SLC13A2: variants seen among roughly 807,000 people sequenced by gnomAD.
The protein encoded by SLC13A2 is solute carrier family 13 member 2, also known as Na(+)-coupled citrate transporter.
SLC13A2 carries 40 observed loss-of-function variants against 58.5 expected under a neutral mutation model. That is an observed-to-expected ratio of 0.68 (90% CI 0.53 to 0.89). The LOEUF is 0.89. SLC13A2 is among the 40% of genes least tolerant of loss of function. The pLI is 0.00. For missense variants in SLC13A2, 694 were observed against 772.6 expected (o/e 0.90, Z 1.21); for synonymous variants, 341 against 331.6 (o/e 1.03, Z -0.31).
intron 1 of SLC13A2, among the ~76,000 whole-genome samples, chr17:28,481,999 G>A (rs1974589): frequency 0.22 from 32,874 of 151,974 alleles, 4,060 homozygotes; most frequent in African/African-American, 0.32. Flanking sequence ...GGTTTTAAAA[G>A]TTAAGGGTTT....
intron 1 of SLC13A2, among the ~76,000 whole-genome samples, chr17:28,474,769 C>T (rs187305299): frequency 1.1e-3 from 173 of 152,302 alleles, no homozygotes; most frequent in African/African-American, 3.9e-3. Flanking sequence ...GCAAATCACA[C>T]AGCTGGGAGG....
intron 1 of SLC13A2, among the ~76,000 whole-genome samples, chr17:28,487,721 G>C (rs1310261295): frequency 2.0e-5 from 3 of 152,194 alleles, no homozygotes; most frequent in Admixed American, 2.0e-4. Context: ...AATCCTGCTG[G>C]GGGAGGAGGG....
chr17:28,491,565 G>C lies in SLC13A2; in HGVS notation c.703G>C (p.Ala235Pro). Reference sequence around the variant, plus strand: ...CTACTCCGCCAGCATCGGGGGCATCGCCACGCTGACTGGCACCGCACCCAA... The same window carrying C: ...CTACTCCGCCAGCATCGGGGGCATCCCCACGCTGACTGGCACCGCACCCAA... The part of the protein sequence containing the change: ...VCYSASIGGI[A>P]TLTGTAPNLV... Residue 235 changes from alanine to proline, a missense_variant, in exon 5 of 12, where the codon GCC (alanine) becomes CCC (proline). Coordinates refer to ENST00000314669, the MANE Select transcript of SLC13A2 (RefSeq NM_003984.4). 6.2e-7 allele frequency: 1 copy of C among 1,613,550 alleles called. No individual in the cohort carries two copies. Among genetic ancestry groups the C allele is most frequent in the Non-Finnish European group, 8.5e-7 (1 of 1,180,026 alleles).
chr17:28,476,757 A>G (rs2068678289), intron 1 of SLC13A2, among the ~76,000 whole-genome samples: 1 of 152,020 alleles, frequency 6.6e-6, no homozygotes, highest in African/African-American at 2.4e-5. Flanking sequence ...CTTATTTTTT[A>G]CTTCCTCTCT....
rs142292882 is a variant in SLC13A2, at chr17:28,497,247, A to C, written c.1757A>C (p.Asn586Thr). ...TTAQCLPSLA[N>T]TTTPSP ...GCCCAGTGCCTGCCAAGCCTGGCCA[A>C]CACCACCACACCAAGCCCCTAGGCT... Residue 586 changes from asparagine to threonine, a missense_variant, in exon 12 of 12, where the codon AAC becomes ACC. Coordinates refer to ENST00000314669, the MANE Select transcript of SLC13A2 (RefSeq NM_003984.4). 599 of 1,613,932 alleles carry C rather than the reference A, an allele frequency of 3.7e-4. 3 individuals carry two copies. The African/African-American group carries it at 7.3e-3, about 20-fold the overall frequency.
In SLC13A2 at chr17:28,494,205, C is replaced by T. The variant is rs2069093329; in HGVS notation, c.1186+100C>T. 1 of 1,484,908 alleles carries T rather than the reference C, an allele frequency of 6.7e-7. No individual in the cohort carries two copies. The highest frequency in any genetic ancestry group is 1.2e-5 in the South Asian group (1 of 86,154). The allele number at this position is 1,484,908 out of a possible 1,614,324, so 92.0% of individuals were successfully genotyped here. ...ACACTTGGCAGGAGTAGGCAAAGCC[C>T]AGAAAGGCTGGAGCGACTTGCCAAG... On this transcript the variant is annotated intron_variant, in intron 8 of 11. Coordinates refer to ENST00000314669, the MANE Select transcript of SLC13A2 (RefSeq NM_003984.4). The surrounding 1 kb of genome is among the most constrained non-coding windows in gnomAD (Gnocchi z 4.0).
In SLC13A2 at chr17:28,493,644, G is replaced by C; in HGVS notation, c.952G>C (p.Glu318Gln). Residue 318 changes from glutamate to glutamine, a missense_variant, in exon 7 of 12, where the codon GAG becomes CAG. Coordinates refer to ENST00000314669, the MANE Select transcript of SLC13A2 (RefSeq NM_003984.4). The stretch of plus-strand genomic sequence containing the variant: ...GGCAGCCTACTGCGTCATCCAGACC[G>C]AGCACAGGCTGCTGGGCCCCATGAC... ...QQAAYCVIQT[E>Q]HRLLGPMTFA... 1 of 1,614,182 alleles carries C rather than the reference G, an allele frequency of 6.2e-7. No homozygotes were observed. Among genetic ancestry groups the C allele is most frequent in the Non-Finnish European group, 8.5e-7 (1 of 1,180,012 alleles).
At chr17:28,487,849 AT>A (rs2068913014) in intron 1 of SLC13A2, among the ~76,000 whole-genome samples, 1 of 152,140 alleles carries the variant, frequency 6.6e-6, no homozygotes, top group South Asian at 2.1e-4. Context: ...CTTCGGACAG[AT>A]TTGGTGGGGC....
chr17:28,473,868 G>A, intron 1 of SLC13A2, 54 bp downstream of exon 1: 1 of 1,505,434 alleles, frequency 6.6e-7, no homozygotes. Flanking sequence ...AGGAGGGACT[G>A]TCTGGGCCGG....
At position 28,489,346 on chromosome 17, in the gene SLC13A2, A is replaced by AT; in HGVS notation, c.231+4_231+5insT. On this transcript the variant is annotated splice_donor_region_variant and intron_variant, in intron 2 of 11. Coordinates refer to ENST00000314669, the MANE Select transcript of SLC13A2 (RefSeq NM_003984.4). ...GGGCATCGTGGATGCCTCTGAGGTG[A>AT]GCCCCATCCATAGGAGAAAGCGTTC... 6.3e-7 allele frequency: 1 copy of AT among 1,580,606 alleles called. No individual in the cohort carries two copies. The highest frequency in any genetic ancestry group is 8.6e-7 in the Non-Finnish European group (1 of 1,167,218).
At chr17:28,476,423 C>A (rs1567842750) in intron 1 of SLC13A2, among the ~76,000 whole-genome samples, 2 of 150,990 alleles carry the variant, frequency 1.3e-5, no homozygotes, top group Admixed American at 6.6e-5. Flanking sequence ...AACAAACAAA[C>A]AAAAAAACCC....
rs1555602655 is a variant in SLC13A2 at position 28,489,335 on chromosome 17, C to T, written c.224C>T (p.Ala75Val). The change falls in exon 2 of 12, where the codon GCC becomes GTC. Residue 75 changes from alanine to valine, a missense_variant. Transcript: ENST00000314669. Reference protein sequence around the residue: ...ILFPMMGIVDASEVAVEYLKD... With the variant: ...ILFPMMGIVDVSEVAVEYLKD... ...TTCCCTATGATGGGCATCGTGGATG[C>T]CTCTGAGGTGAGCCCCATCCATAGG... 3.8e-6 allele frequency: 6 copies of T among 1,593,074 alleles called. No individual in the cohort carries two copies. The highest frequency in any genetic ancestry group is 5.1e-6 in the Non-Finnish European group (6 of 1,173,066).
rs1555603384 is a variant in SLC13A2, at chr17:28,491,485, C to T, written c.623C>T (p.Ala208Val). ...PVTSASSEGR[A>V]HLSQKHLHLT... ...ACGTCTGCCTCTTCGGAGGGGAGGGCACATCTCAGCCAGAAGCATCTCCAC... is the reference window on the plus strand; with the variant it reads ...ACGTCTGCCTCTTCGGAGGGGAGGGTACATCTCAGCCAGAAGCATCTCCAC... The change falls in exon 5 of 12, where the codon GCA becomes GTA. Residue 208 changes from alanine (A) to valine (V), a missense_variant. Ala to Val is a moderately conservative substitution (Grantham distance 64). Coordinates refer to ENST00000314669, the MANE Select transcript of SLC13A2 (RefSeq NM_003984.4). 1.2e-6 allele frequency: 2 copies of T among 1,613,766 alleles called. No homozygotes were observed. Among genetic ancestry groups the T allele is most frequent in the African/African-American group, 1.3e-5 (1 of 75,060 alleles).
chr17:28,489,531 T>C (rs1400524295), intron 2 of SLC13A2, among the ~76,000 whole-genome samples, 189 bp downstream of exon 2: 1 of 152,216 alleles, frequency 6.6e-6, no homozygotes, highest in South Asian at 2.1e-4. Context: ...GCAGAATTAG[T>C]GCTGCGAGTT....
chr17:28,490,898 C>A lies in SLC13A2; in HGVS notation c.566C>A (p.Thr189Asn), dbSNP rs782270317. The change falls in exon 4 of 12, where the codon ACC (threonine) becomes AAC (asparagine). Residue 189 changes from threonine (T) to asparagine (N), a missense_variant. Transcript: ENST00000314669. ...GAACCAAGTCCCCAGAAGGAGGTGACCAAGCTTGGTGAGAAAAATGAGGCT... is the reference window on the plus strand; with the variant it reads ...GAACCAAGTCCCCAGAAGGAGGTGAACAAGCTTGGTGAGAAAAATGAGGCT... Reference protein sequence around the residue: ...LQEPSPQKEVTKLDNGQALPV... With the variant: ...LQEPSPQKEVNKLDNGQALPV... 2 of 1,613,232 alleles carry A rather than the reference C, an allele frequency of 1.2e-6. No homozygotes were observed. The highest frequency in any genetic ancestry group is 1.7e-6 in the Non-Finnish European group (2 of 1,179,646).
intron 9 of SLC13A2, 64 bp from the exon 10 acceptor site, chr17:28,495,591 T>G (rs2069122896): frequency 3.9e-6 from 6 of 1,536,094 alleles, no homozygotes; most frequent in African/African-American, 1.4e-5. Context: ...TCATAGAGCC[T>G]CGGCAGAAGA....
rs2069174295 is a variant in SLC13A2, at chr17:28,497,653, G to A, written c.*384G>A. The A allele has an allele frequency of 5.1e-6, 1 of 196,426 alleles. No homozygotes were observed. The highest frequency in any genetic ancestry group is 1.7e-4 in the South Asian group (1 of 5,970). 12.2% of individuals were successfully genotyped at this position (196,426 alleles called of 1,614,324 possible). A position where few individuals can be genotyped will look rare whatever the true frequency, so the allele number is the denominator to read the frequency against. On this transcript the variant is annotated 3_prime_UTR_variant, in exon 12 of 12. Transcript: ENST00000314669. ...CAGGTCTTGGTATCCCCAGCTTAGT[G>A]ACCAGACTTACTTGCACTGTATTTA...
chr17:28,482,816 C>G (rs530436821), intron 1 of SLC13A2, among the ~76,000 whole-genome samples: 118 of 152,322 alleles, frequency 7.7e-4, no homozygotes, highest in Middle Eastern at 3.4e-3. Context: ...GCTCAAGGTT[C>G]CCTCTCTGGA....
In SLC13A2 at chr17:28,494,712, C is replaced by G. The variant is rs2069106304; in HGVS notation, c.1308+200C>G. ...AGGAAGAAACACAAGCCCTAGGGACCTCTTTGTTCAGTTCTCAAAGTCCAA... is the reference window on the plus strand; with the variant it reads ...AGGAAGAAACACAAGCCCTAGGGACGTCTTTGTTCAGTTCTCAAAGTCCAA... On this transcript the variant is annotated intron_variant, in intron 9 of 11. Transcript: ENST00000314669. This position sits in a 1 kb window ranked among gnomAD's most constrained non-coding sequence, Gnocchi z 4.0. Among the ~76,000 whole-genome samples, 1 of 152,244 alleles carries G rather than the reference C, an allele frequency of 6.6e-6. No homozygotes were observed. The highest frequency in any genetic ancestry group is 1.9e-4 in the East Asian group (1 of 5,168).
Sources: allele counts gnomAD v4.1 joint callset (sites outside exome capture counted in the v4.1 genomes callset), GRCh38; gene constraint gnomAD v4.1.1; non-coding constraint Gnocchi (gnomAD v3.1); transcripts MANE v1.5; gene names NCBI Gene and HGNC (gene_info 2026-07-23, HGNC 2026-07-21).